The following NAA11 variants were observed in gnomAD, a reference collection of about 807,000 sequenced individuals.
NAA11 encodes N-alpha-acetyltransferase 11, NatA catalytic subunit, also known as N-alpha-acetyltransferase 11.
Under a neutral mutation model 16.1 loss-of-function variants are expected in NAA11, and 15 were observed. That is an observed-to-expected ratio of 0.93 (90% CI 0.62 to 1.44). NAA11 has a LOEUF of 1.44. Among genes scored for constraint, NAA11 ranks in the 40% most tolerant of loss-of-function variants. NAA11 has a pLI of 0.00. For missense variants in NAA11, 298 were observed against 291.3 expected (o/e 1.02, Z -0.17); for synonymous variants, 122 against 112.4 (o/e 1.09, Z -0.54).
the NAA11 span, among the ~76,000 whole-genome samples, chr4:79,206,998 G>C: frequency 1.3e-5 from 2 of 151,990 alleles, no homozygotes; most frequent in Non-Finnish European, 2.9e-5. Flanking sequence ...TTTGATCTCA[G>C]CTTGGTCATT....
At chr4:79,163,397 ACTGTGGGG>A in the NAA11 span, among the ~76,000 whole-genome samples, 31 of 152,208 alleles carry the variant, frequency 2.0e-4, no homozygotes, top group Non-Finnish European at 4.4e-4. Context: ...TTCCATGAGA[ACTGTGGGG>A]CTGTGGGGAG....
At chr4:79,209,120 C>A in the NAA11 span, among the ~76,000 whole-genome samples, 33 of 151,988 alleles carry the variant, frequency 2.2e-4, no homozygotes. Context: ...GTGGGCTGAA[C>A]AATTTTTGAA....
intron 2 of NAA11, among the ~76,000 whole-genome samples, chr4:79,269,103 G>T (rs1201603555): frequency 1.5e-5 from 2 of 131,888 alleles, no homozygotes; most frequent in Non-Finnish European, 3.2e-5. Flanking sequence ...GTCTATCATT[G>T]TTGGACATTT....
At chr4:79,174,714 A>G in the NAA11 span, among the ~76,000 whole-genome samples, 1 of 152,186 alleles carries the variant, frequency 6.6e-6, no homozygotes, top group African/African-American at 2.4e-5. Flanking sequence ...AGGATGGTAT[A>G]AAACATCTGT....
At chr4:79,307,446 T>C (rs900018054) in intron 1 of NAA11, among the ~76,000 whole-genome samples, 4 of 148,644 alleles carry the variant, frequency 2.7e-5, no homozygotes, top group Admixed American at 6.6e-5. Flanking sequence ...TGGCTGAGGA[T>C]TTTTTTTTAT....
chr4:79,219,612 A>G, the NAA11 span, among the ~76,000 whole-genome samples: 3 of 152,170 alleles, frequency 2.0e-5, no homozygotes, highest in Admixed American at 6.6e-5. Flanking sequence ...CAACTCTTAA[A>G]TATAGAAATG....
intron 2 of NAA11, chr4:79,227,848 A>G (rs1180687346): frequency 6.6e-6 from 1 of 152,008 alleles, no homozygotes; most frequent in Non-Finnish European, 1.5e-5. Flanking sequence ...ATTAATTGCC[A>G]TAAAAACAAG....
chr4:79,282,522 G>A (rs913498299), intron 2 of NAA11, among the ~76,000 whole-genome samples: 2 of 152,012 alleles, frequency 1.3e-5, no homozygotes, highest in Non-Finnish European at 2.9e-5. Context: ...CAAAGAGAGG[G>A]AAGGAAAGGT....
chr4:79,234,159 TTTCTTCAAAATCTTCCCTGCCTAAAA>T (rs1198116777), intron 2 of NAA11, among the ~76,000 whole-genome samples: 1 of 152,162 alleles, frequency 6.6e-6, no homozygotes, highest in East Asian at 1.9e-4. Context: ...TGAGGTGATG[TTTCTTCAAAATCTTCCCTGCCTAAAA>T]TGATTTCGAG....
intron 2 of NAA11, among the ~76,000 whole-genome samples, chr4:79,281,126 A>AT (rs1722776591): frequency 1.3e-5 from 2 of 152,022 alleles, no homozygotes; most frequent in African/African-American, 4.8e-5. Context: ...TCATTATCCT[A>AT]TCCCCAGTTT....
chr4:79,175,114 G>A, the NAA11 span, among the ~76,000 whole-genome samples: 1 of 152,046 alleles, frequency 6.6e-6, no homozygotes, highest in Non-Finnish European at 1.5e-5. Flanking sequence ...TGTCTCTAAA[G>A]TTCTTGACTG....
chr4:79,243,550 C>A (rs1721741198), intron 2 of NAA11, among the ~76,000 whole-genome samples: 1 of 152,172 alleles, frequency 6.6e-6, no homozygotes, highest in South Asian at 2.1e-4. Context: ...TCTTAATCAC[C>A]ACTGCATTTA....
chr4:79,211,165 G>T, the NAA11 span, among the ~76,000 whole-genome samples: 1 of 152,096 alleles, frequency 6.6e-6, no homozygotes, highest in African/African-American at 2.4e-5. Context: ...GGCTGAGCTT[G>T]TGTAAAACAT....
chr4:79,308,296 G>A (rs1723651892), intron 1 of NAA11: 1 of 152,152 alleles, frequency 6.6e-6, no homozygotes, highest in Admixed American at 6.6e-5. Context: ...TTGAATGATG[G>A]ATGCAAAGAT....
chr4:79,299,886 G>A (rs1317549234), intron 1 of NAA11, among the ~76,000 whole-genome samples: 1 of 151,628 alleles, frequency 6.6e-6, no homozygotes, highest in African/African-American at 2.4e-5. Context: ...AATATCTAAG[G>A]AATGATTTTG....
the NAA11 span, among the ~76,000 whole-genome samples, chr4:79,201,188 C>T: frequency 4.0e-3 from 613 of 151,434 alleles, 13 homozygotes; most frequent in Admixed American, 0.036. Context: ...TCCCAAATTT[C>T]CCATTATAAA....
chr4:79,200,743 C>G, the NAA11 span, among the ~76,000 whole-genome samples: 2 of 151,742 alleles, frequency 1.3e-5, no homozygotes, highest in Non-Finnish European at 2.9e-5. Flanking sequence ...TCTTGTTCTT[C>G]CAGTGAGACC....
At chr4:79,316,474 C>A (rs1385805806), downstream of NAA11, among the ~76,000 whole-genome samples, 2 of 152,176 alleles carry the variant, frequency 1.3e-5, no homozygotes, top group Non-Finnish European at 1.5e-5. Flanking sequence ...AACTGCTTAG[C>A]AGGGCTAATT....
At chr4:79,165,642 GTTC>G in the NAA11 span, among the ~76,000 whole-genome samples, 2 of 152,286 alleles carry the variant, frequency 1.3e-5, no homozygotes, top group South Asian at 2.1e-4. Context: ...TTCACCCAAT[GTTC>G]TTCTTTTTAA....
Sources: allele counts gnomAD v4.1 joint callset (sites outside exome capture counted in the v4.1 genomes callset), GRCh38; gene constraint gnomAD v4.1.1; transcripts MANE v1.5; gene names NCBI Gene and HGNC (gene_info 2026-07-23, HGNC 2026-07-21).